CRACR2B: variants seen among roughly 807,000 people sequenced by gnomAD.
The protein encoded by CRACR2B is calcium release activated channel regulator 2B, also known as EF-hand calcium-binding domain-containing protein 4A.
A neutral mutation model predicts 46.0 loss-of-function variants in CRACR2B; 50 were observed. That is an observed-to-expected ratio of 1.09 (90% CI 0.87 to 1.38). CRACR2B has a LOEUF of 1.38. CRACR2B is among the 40% of genes most tolerant of loss of function. The probability of loss-of-function intolerance (pLI) is 0.00; values close to 1 mark genes in which losing one functional copy is unlikely to be tolerated. For synonymous variants in CRACR2B, 277 were observed against 239.6 expected, an observed-to-expected ratio of 1.16 and a Z score of -1.44; for missense variants, 667 against 535.0, an observed-to-expected ratio of 1.25 and a Z score of -2.43.
Position 828,413 on chromosome 11 carries a change from C to T in CRACR2B, c.-195C>T, listed in dbSNP as rs1846070830. ...CTACATCAACCACCCCAGTGACACC[C>T]CAAGCCTGCAGCATTTTCCACCCCC... On this transcript the variant is annotated 5_prime_UTR_variant, in exon 1 of 9. Transcript: ENST00000525077. 1.6e-6 allele frequency: 1 copy of T among 628,856 alleles called. No individual in the cohort carries two copies. Among genetic ancestry groups the T allele is most frequent in the Admixed American group, 3.5e-5 (1 of 28,800 alleles). The allele number at this position is 628,856 out of a possible 1,614,324, so 39.0% of individuals were successfully genotyped here.
Position 830,643 on chromosome 11 carries a change from G to A in CRACR2B, c.716G>A (p.Arg239Lys). 6.5e-7 allele frequency: 1 copy of A among 1,548,872 alleles called. No individual in the cohort carries two copies. Among genetic ancestry groups the A allele is most frequent in the Non-Finnish European group, 8.7e-7 (1 of 1,146,662 alleles). Residue 239 changes from arginine to lysine, a missense_variant, in exon 6 of 9, where the codon AGA (arginine) becomes AAA (lysine). By Grantham distance (26) the Arg-to-Lys change is conservative. Transcript: ENST00000525077. ...PSQNFARGER[R>K]SRLELELQSR... ...CAGAACTTCGCCCGCGGGGAGCGGAGAAGCCGTCTGGAGCTGGAGCTGCAG... is the reference window on the plus strand; with the variant it reads ...CAGAACTTCGCCCGCGGGGAGCGGAAAAGCCGTCTGGAGCTGGAGCTGCAG...
chr11:830,487 C>T (rs4075290), intron 5 of CRACR2B, 134 bp from the exon 6 acceptor site: 1,057,665 of 1,537,520 alleles, frequency 0.69, 369,288 homozygotes, highest in East Asian at 0.92. Flanking sequence ...CTGGGCCTCA[C>T]GTATCACCCC....
intron 8 of CRACR2B, 53 bp from the exon 9 acceptor site, chr11:831,482 C>T: frequency 6.6e-7 from 1 of 1,520,366 alleles, no homozygotes. Context: ...GCTCACCTCC[C>T]CCCACCTTGA....
At chr11:829,168 C>A (rs1446999974) in intron 2 of CRACR2B, 192 bp from the exon 3 acceptor site, 1 of 1,328,970 alleles carries the variant, frequency 7.5e-7, no homozygotes, top group South Asian at 1.3e-5. Flanking sequence ...CAGCTCCTCT[C>A]CTGTGCTAAG....
chr11:827,647 G>A, upstream of CRACR2B: 1 of 582,454 alleles, frequency 1.7e-6, no homozygotes, highest in Non-Finnish European at 2.2e-6. Flanking sequence ...CAATGGCCCT[G>A]GCCTCTCGTG....
chr11:829,609 T>C (rs1004020020), intron 3 of CRACR2B, 69 bp downstream of exon 3: 3 of 1,439,700 alleles, frequency 2.1e-6, no homozygotes, highest in Non-Finnish European at 2.8e-6. Flanking sequence ...TGTCTGCCCT[T>C]GTCACCCGAG....
At position 830,647 on chromosome 11, in the gene CRACR2B, C is replaced by A. The variant is rs1280645135; in HGVS notation, c.720C>A (p.Ser240Arg). 5 of 1,548,656 alleles carry A rather than the reference C, an allele frequency of 3.2e-6. No homozygotes were observed. Among genetic ancestry groups the A allele is most frequent in the Non-Finnish European group, 4.4e-6 (5 of 1,146,578 alleles). ...ACTTCGCCCGCGGGGAGCGGAGAAG[C>A]CGTCTGGAGCTGGAGCTGCAGAGCC... ...SQNFARGERR[S>R]RLELELQSRE... Residue 240 changes from serine (S) to arginine (R), a missense_variant, in exon 6 of 9, where the codon AGC (serine) becomes AGA (arginine). Ser to Arg is a moderately radical substitution (Grantham distance 110). Coordinates refer to ENST00000525077, the MANE Select transcript of CRACR2B (RefSeq NM_001286606.2).
In CRACR2B at chr11:828,343, CCT is replaced by C; in HGVS notation, c.-264_-263del. ...GGCAGCCCCTCCTGGGTTCCAGCCT[CCT>C]GAGATGCCAGACCCACTGGGGCAGT... is the stretch of plus-strand genomic sequence containing the variant. On this transcript the variant is annotated 5_prime_UTR_variant, in exon 1 of 9. Coordinates refer to ENST00000525077, the MANE Select transcript of CRACR2B (RefSeq NM_001286606.2). 1 of 456,746 alleles carries C rather than the reference CCT, an allele frequency of 2.2e-6. No individual in the cohort carries two copies. The highest frequency in any genetic ancestry group is 3.9e-6 in the Non-Finnish European group (1 of 259,676). The allele number at this position is 456,746 out of a possible 1,614,324, so 28.3% of individuals were successfully genotyped here.
rs1208950757 is a variant in CRACR2B at position 830,244 on chromosome 11, C to T, written c.606-6C>T. On this transcript the variant is annotated splice_polypyrimidine_tract_variant and splice_region_variant and intron_variant, in intron 4 of 8. Transcript: ENST00000525077. ...TTCTCATCCGGGGTCGCCCGGTCCCCCGAAGGCGCGAGAGCGAGCACGAGA... is the reference window on the plus strand; with the variant it reads ...TTCTCATCCGGGGTCGCCCGGTCCCTCGAAGGCGCGAGAGCGAGCACGAGA... The T allele has an allele frequency of 5.3e-6, 8 of 1,506,218 alleles. No individual in the cohort carries two copies. The East Asian group carries it at 1.5e-4, about 28-fold the overall frequency. The allele number at this position is 1,506,218 out of a possible 1,614,324, so 93.3% of individuals were successfully genotyped here. A position where few individuals can be genotyped will look rare whatever the true frequency, so the allele number is the denominator to read the frequency against.
chr11:831,013 C>T lies in CRACR2B; in HGVS notation c.934C>T (p.Arg312Cys). The T allele has an allele frequency of 1.3e-6, 2 of 1,534,142 alleles. No homozygotes were observed. The highest frequency in any genetic ancestry group is 2.2e-4 in the Middle Eastern group (1 of 4,634). Residue 312 changes from arginine (R) to cysteine (C), a missense_variant, in exon 7 of 9, where the codon CGC becomes TGC. Arg to Cys is a radical substitution (Grantham distance 180). Transcript: ENST00000525077. ...IRRLESEARG[R>C]QEQTQRDVVA... is the part of the protein sequence containing the mutation. ...CAGGCTGGAGAGCGAAGCACGAGGC[C>T]GCCAGGAGCAAACCCAACGGTGCCG... is the stretch of plus-strand genomic sequence containing the variant.
rs1846277225 is a variant in CRACR2B, at chr11:830,141, C to T, written c.605+9C>T. On this transcript the variant is annotated intron_variant, in intron 4 of 8. Transcript: ENST00000525077. Reference sequence around the variant, plus strand: ...GAGCAGGCGCTGCGGAGGTGAGGGCCGGGGTGGGGTATGGGGGCCAATGGA... The same window carrying T: ...GAGCAGGCGCTGCGGAGGTGAGGGCTGGGGTGGGGTATGGGGGCCAATGGA... The T allele has an allele frequency of 6.5e-7, 1 of 1,527,628 alleles. No individual in the cohort carries two copies. 94.6% of individuals were successfully genotyped at this position (1,527,628 alleles called of 1,614,324 possible).
At chr11:830,736 G>A (rs1365325908) in intron 6 of CRACR2B, 23 bp downstream of exon 6, 2 of 1,511,790 alleles carry the variant, frequency 1.3e-6, no homozygotes, top group Non-Finnish European at 1.8e-6. Flanking sequence ...CCCCTGCCCT[G>A]TCCCCACGGT....
At position 830,724 on chromosome 11, in the gene CRACR2B, GGCCCCT is replaced by G. The variant is rs1374870349; in HGVS notation, c.786+16_786+21del. On this transcript the variant is annotated intron_variant, in intron 6 of 8. Coordinates refer to ENST00000525077, the MANE Select transcript of CRACR2B (RefSeq NM_001286606.2). ...CTGCGGCAGCGGGAGGTGAGCACCC[GGCCCCT>G]GCCCTGTCCCCACGGTCACCCGTGC... is the stretch of plus-strand genomic sequence containing the variant. 1 of 1,524,322 alleles carries G rather than the reference GGCCCCT, an allele frequency of 6.6e-7. No individual in the cohort carries two copies. The highest frequency in any genetic ancestry group is 8.8e-7 in the Non-Finnish European group (1 of 1,137,764). The allele number at this position is 1,524,322 out of a possible 1,614,324, so 94.4% of individuals were successfully genotyped here. A position where few individuals can be genotyped will look rare whatever the true frequency, so the allele number is the denominator to read the frequency against.
chr11:830,556 T>A (rs1846322396), intron 5 of CRACR2B, 65 bp from the exon 6 acceptor site: 1 of 1,547,406 alleles, frequency 6.5e-7, no homozygotes, highest in Non-Finnish European at 8.7e-7. Flanking sequence ...CCCCTGGCCC[T>A]CCGTGTACCT....
rs1205862408 is a variant in CRACR2B, at chr11:828,762, A to T, written c.155A>T (p.His52Leu). 1 of 1,613,538 alleles carries T rather than the reference A, an allele frequency of 6.2e-7. No homozygotes were observed. The part of the protein sequence containing the change: ...DKEAKGFITK[H>L]DLQGLQSDLP... Reference sequence around the variant, plus strand: ...GAGGCTAAGGGCTTCATCACCAAGCACGACCTGCAGGTGAGTCCCCCACCC... The same window carrying T: ...GAGGCTAAGGGCTTCATCACCAAGCTCGACCTGCAGGTGAGTCCCCCACCC... Residue 52 changes from histidine (H) to leucine (L), a missense_variant, in exon 1 of 9, where the codon CAC becomes CTC. By Grantham distance (99) the His-to-Leu change is moderately conservative (BLOSUM62 -3). Transcript: ENST00000525077.
chr11:827,565 T>C, upstream of CRACR2B: 3 of 984,630 alleles, frequency 3.0e-6, no homozygotes, highest in Non-Finnish European at 3.6e-6. Flanking sequence ...GCCGCGCGGC[T>C]TCCGGCTGGG....
rs769664886 is a variant in CRACR2B at position 831,251 on chromosome 11, G to T, written c.981G>T (p.Met327Ile). ...QRDVVAVSRN[M>I]QKEKVSLLRQ... is the part of the protein sequence containing the mutation. ...ACGTGGTCGCCGTCTCCAGGAACAT[G>T]CAGAAAGAGAAAGTCAGCCTGCTAC... Residue 327 changes from methionine (M) to isoleucine (I), a missense_variant, in exon 8 of 9, where the codon ATG (methionine) becomes ATT (isoleucine). Transcript: ENST00000525077. 1 of 1,610,894 alleles carries T rather than the reference G, an allele frequency of 6.2e-7. No homozygotes were observed. Among genetic ancestry groups the T allele is most frequent in the Admixed American group, 1.7e-5 (1 of 59,066 alleles).
intron 3 of CRACR2B, chr11:829,773 G>A: frequency 9.3e-7 from 1 of 1,077,638 alleles, no homozygotes; most frequent in Non-Finnish European, 1.3e-6. Context: ...CCGGGCGCGG[G>A]GCCACATACC....
chr11:830,452 C>A (rs1846309296), intron 5 of CRACR2B, 115 bp downstream of exon 5: 2 of 1,535,948 alleles, frequency 1.3e-6, no homozygotes, highest in Admixed American at 3.9e-5. Flanking sequence ...CGGGTCCAGG[C>A]TGCCCTCAGC....
Sources: gnomAD v4.1 joint callset for allele counts on GRCh38, gnomAD v4.1.1 for gene constraint, MANE v1.5 for transcripts, NCBI Gene and HGNC (gene_info 2026-07-23, HGNC 2026-07-21) for gene names.